POLE: variants seen among roughly 807,000 people sequenced by gnomAD.
POLE encodes the protein DNA polymerase epsilon catalytic subunit A.
Under a neutral mutation model 279.2 loss-of-function variants are expected in POLE, and 188 were observed. The ratio of observed to expected loss-of-function variants is 0.67; its 90% confidence interval spans 0.60 to 0.76. The LOEUF (loss-of-function observed/expected upper bound fraction) is 0.76, where lower values mean the gene tolerates loss of function less well. Ranked by LOEUF, POLE falls within the 30% of genes least tolerant of loss-of-function variation. The probability of loss-of-function intolerance (pLI) is 0.00; values close to 1 mark genes in which losing one functional copy is unlikely to be tolerated. For synonymous variants in POLE, 1,214 were observed against 1,172.5 expected (o/e 1.04, Z -0.72); for missense variants, 2,703 against 3,016.7 (o/e 0.90, Z 2.44).
At position 132,661,687 on chromosome 12, in the gene POLE, G is replaced by A. The variant is rs1555226069; in HGVS notation, c.2707-3C>T. On this transcript the variant is annotated splice_region_variant and splice_polypyrimidine_tract_variant and intron_variant, in intron 23 of 48. Transcript: ENST00000320574. The surrounding 1 kb of genome is among the most constrained non-coding windows in gnomAD (Gnocchi z 4.1). The stretch of plus-strand genomic sequence containing the variant: ...TACTGGTCATTGGTGAAGCCTTCCT[G>A]AGAAACAAGAGTGAAGAGGGGGCAG... 3.7e-6 allele frequency: 6 copies of A among 1,613,556 alleles called. No homozygotes were observed. The highest frequency in any genetic ancestry group is 5.1e-6 in the Non-Finnish European group (6 of 1,179,794).
rs367902268 is a variant in POLE, at chr12:132,668,668, G to T, written c.1993C>A (p.Arg665=). 5.6e-6 allele frequency: 9 copies of T among 1,613,708 alleles called. No individual in the cohort carries two copies. In the African/African-American group the frequency reaches 1.1e-4, roughly 19 times the overall value. The change falls in exon 18 of 49, where the codon CGG becomes AGG. Residue 665 remains arginine, a synonymous_variant. Coordinates refer to ENST00000320574, the MANE Select transcript of POLE (RefSeq NM_006231.4). This position sits in a 1 kb window ranked among gnomAD's most constrained non-coding sequence, Gnocchi z 4.0. ...DFNKPGANCQ[R]KMAWQWRGEF... is the part of the protein sequence containing the mutation. Reference sequence around the variant, plus strand: ...CCCCTCCACTGCCAGGCCATCTTCCGCTGGCAGTTTGCTCCAGGCTTATTG... The same window carrying T: ...CCCCTCCACTGCCAGGCCATCTTCCTCTGGCAGTTTGCTCCAGGCTTATTG...
At chr12:132,645,285 A>T in intron 32 of POLE, among the ~76,000 whole-genome samples, 1 of 106,314 alleles carries the variant, frequency 9.4e-6, no homozygotes, top group Admixed American at 1.1e-4. Context: ...GGCTGGGGGA[A>T]TTCTGGAGAG....
In POLE at chr12:132,661,142, C is replaced by T. The variant is rs751237672; in HGVS notation, c.2887G>A (p.Gly963Ser). 6.2e-7 allele frequency: 1 copy of T among 1,611,414 alleles called. No homozygotes were observed. Among genetic ancestry groups the T allele is most frequent in the Non-Finnish European group, 8.5e-7 (1 of 1,179,100 alleles). ...KKRYAVFNED[G>S]SLAELKGFEV... ...AAGCCCTTGAGCTCAGCCAGAGAAC[C>T]GTCTTCATTGAACACAGCATACCTG... Residue 963 changes from glycine (G) to serine (S), a missense_variant, in exon 25 of 49, where the codon GGT (glycine) becomes AGT (serine). By Grantham distance (56) the Gly-to-Ser change is moderately conservative (BLOSUM62 0). Around this residue, in one of 5 missense-constraint regions of POLE, gnomAD observed 101 missense variants for 115.4 expected, o/e 0.87. Transcript: ENST00000320574. The surrounding 1 kb of genome is among the most constrained non-coding windows in gnomAD (Gnocchi z 4.1).
chr12:132,667,123 G>A (rs957420492), intron 20 of POLE, among the ~76,000 whole-genome samples: 1 of 152,166 alleles, frequency 6.6e-6, no homozygotes, highest in African/African-American at 2.4e-5. Flanking sequence ...GAATACCATA[G>A]ATGAGAAGGC....
rs2041775163 is a variant in POLE, at chr12:132,623,883, T to C, written c.*814A>G. 1 of 192,852 alleles carries C rather than the reference T, an allele frequency of 5.2e-6. No individual in the cohort carries two copies. Among genetic ancestry groups the C allele is most frequent in the Non-Finnish European group, 1.1e-5 (1 of 92,446 alleles). 11.9% of individuals were successfully genotyped at this position (192,852 alleles called of 1,614,324 possible). On this transcript the variant is annotated 3_prime_UTR_variant, in exon 49 of 49. Coordinates refer to ENST00000320574, the MANE Select transcript of POLE (RefSeq NM_006231.4). ...AGACACGAGCCTCCTGGGGAGCCTG[T>C]GGGGCCCCCTCCCTCCTGTGAGGCT...
At chr12:132,633,023 T>C (rs1593709689) in intron 43 of POLE, 1 of 522,214 alleles carries the variant, frequency 1.9e-6, no homozygotes. Flanking sequence ...GAGAGAAAAC[T>C]GTATAAATGG....
At position 132,676,648 on chromosome 12, in the gene POLE, AG is replaced by A. The variant is rs1435794183; in HGVS notation, c.806del (p.Pro269LeufsTer26). 4 of 1,609,142 alleles carry A rather than the reference AG, an allele frequency of 2.5e-6. No individual in the cohort carries two copies. The highest frequency in any genetic ancestry group is 3.3e-5 in the Admixed American group (2 of 59,994). Reference protein sequence around the residue: ...RRDDLVERPDPVVLAFDIETT... With the variant: ...RRDDLVERPDXVVLAFDIETT... ...TCTCAATGTCAAATGCCAAAACCAC[AG>A]GGTCCTGTGGGGACAAAATAAGCAT... On this transcript the variant is annotated frameshift_variant, in exon 9 of 49. Transcript: ENST00000320574. LOFTEE classifies it high-confidence loss of function.
In POLE at chr12:132,677,447, C is replaced by A. The variant is rs765420775; in HGVS notation, c.721-4G>T. ...ATCTGACATTGTACCAATGAGCCTGCAAAACACACAGTGTGCTAACTAGAG... is the reference window on the plus strand; with the variant it reads ...ATCTGACATTGTACCAATGAGCCTGAAAAACACACAGTGTGCTAACTAGAG... On this transcript the variant is annotated splice_region_variant and splice_polypyrimidine_tract_variant and intron_variant, in intron 7 of 48. Coordinates refer to ENST00000320574, the MANE Select transcript of POLE (RefSeq NM_006231.4). The A allele has an allele frequency of 4.3e-6, 7 of 1,613,332 alleles. No individual in the cohort carries two copies. The highest frequency in any genetic ancestry group is 1.3e-5 in the African/African-American group (1 of 74,898).
intron 45 of POLE, among the ~76,000 whole-genome samples, chr12:132,630,086 G>A (rs1312314166): frequency 6.6e-6 from 1 of 152,176 alleles, no homozygotes; most frequent in African/African-American, 2.4e-5. Context: ...TGTCTTCTAT[G>A]CGCACGGTTC....
chr12:132,659,782 C>G (rs2042638613), intron 25 of POLE: 1 of 391,710 alleles, frequency 2.6e-6, no homozygotes, highest in African/African-American at 2.0e-5. Context: ...AACCTCCCCT[C>G]CTGGGTTCAA....
intron 5 of POLE, 134 bp downstream of exon 5, chr12:132,679,820 A>G (rs1164544277): frequency 4.7e-5 from 47 of 991,602 alleles, no homozygotes; most frequent in Non-Finnish European, 1.5e-5. Flanking sequence ...CTTTGGAAGG[A>G]ATTTTATAGA....
At chr12:132,644,193 A>G (rs2138565295) in intron 32 of POLE, among the ~76,000 whole-genome samples, 1 of 152,232 alleles carries the variant, frequency 6.6e-6, no homozygotes, top group South Asian at 2.1e-4. Context: ...ACAGGGTCTT[A>G]GTCTGTTGCC....
At chr12:132,653,301 A>C (rs946347220) in intron 29 of POLE, among the ~76,000 whole-genome samples, 5 of 152,186 alleles carry the variant, frequency 3.3e-5, no homozygotes, top group African/African-American at 1.2e-4. Context: ...CGTGAGATTA[A>C]GAGTTCTAGG....
At position 132,643,282 on chromosome 12, in the gene POLE, G is replaced by A. The variant is rs751465593; in HGVS notation, c.4493C>T (p.Ala1498Val). ...TGAGGGGATGAAGATCCCGAAGAGC[G>A]CTTTGTGGGCCTGTGCGTGGTGGTA... is the stretch of plus-strand genomic sequence containing the variant. ...YLYHHAQAHK[A>V]LFGIFIPSQR... The change falls in exon 35 of 49, where the codon GCG (alanine) becomes GTG (valine). Residue 1498 changes from alanine to valine, a missense_variant. Ala to Val is a moderately conservative substitution (Grantham distance 64). Around this residue, in one of 5 missense-constraint regions of POLE, gnomAD observed 1,551 missense variants for 1,686.1 expected, o/e 0.92. Coordinates refer to ENST00000320574, the MANE Select transcript of POLE (RefSeq NM_006231.4). 2.1e-5 allele frequency: 34 copies of A among 1,613,844 alleles called. No individual in the cohort carries two copies. The Admixed American group carries it at 4.3e-4, about 21-fold the overall frequency.
intron 39 of POLE, among the ~76,000 whole-genome samples, chr12:132,640,199 C>T (rs971327587): frequency 1.3e-5 from 2 of 152,168 alleles, no homozygotes; most frequent in Non-Finnish European, 2.9e-5. Flanking sequence ...ACTCTTCAGT[C>T]CTGCCTTGCA....
chr12:132,662,056 A>G (rs1452662380), intron 23 of POLE, among the ~76,000 whole-genome samples: 1 of 152,220 alleles, frequency 6.6e-6, no homozygotes, highest in East Asian at 1.9e-4. Flanking sequence ...TGCTGGACAC[A>G]CACACTATGC....
At chr12:132,673,452 G>A in intron 13 of POLE, 123 bp downstream of exon 13, 1 of 1,415,746 alleles carries the variant, frequency 7.1e-7, no homozygotes, top group Non-Finnish European at 9.8e-7. Flanking sequence ...GAGCGGGCTG[G>A]CATACATGCG....
chr12:132,636,441 GAA>G (rs60289510), intron 41 of POLE, among the ~76,000 whole-genome samples: 8,949 of 43,582 alleles, frequency 0.21, 251 homozygotes, highest in Admixed American at 0.27. Context: ...TCCATTTAAG[GAA>G]AAAAAAAAAA....
intron 12 of POLE, among the ~76,000 whole-genome samples, chr12:132,674,266 G>A (rs889709378): frequency 2.6e-5 from 4 of 152,102 alleles, no homozygotes; most frequent in Non-Finnish European, 2.9e-5. Context: ...CCCTGGAGCA[G>A]CTGTCCAGGG....
Sources: gnomAD v4.1 joint callset for allele counts (sites outside exome capture counted in the v4.1 genomes callset) on GRCh38, gnomAD v4.1.1 for gene constraint, gnomAD v4.1.1 regional missense constraint, Gnocchi (gnomAD v3.1) non-coding constraint, MANE v1.5 for transcripts, NCBI Gene and HGNC (gene_info 2026-07-23, HGNC 2026-07-21) for gene names.